Variants in STX11 observed in about 807,000 individuals in gnomAD.
STX11 encodes the protein syntaxin-11.
Under a neutral mutation model 19.9 loss-of-function variants are expected in STX11, and 21 were observed. The ratio of observed to expected loss-of-function variants is 1.06; its 90% CI spans 0.75 to 1.52. STX11 has a LOEUF of 1.52. STX11 is among the 40% of genes most tolerant of loss of function. STX11 has a pLI of 0.00. For missense variants in STX11, 438 were observed against 405.9 expected (o/e 1.08, Z -0.68); for synonymous variants, 193 against 174.4 (o/e 1.11, Z -0.84).
At position 144,155,379 on chromosome 6, in the gene STX11, G is replaced by A. The variant is rs1345818329; in HGVS notation, c.-6+4676G>A. 1.3e-5 allele frequency among the ~76,000 whole-genome samples: 2 copies of A among 152,194 alleles called. No individual in the cohort carries two copies. The highest frequency in any genetic ancestry group is 2.9e-5 in the Non-Finnish European group (2 of 68,032). Reference sequence around the variant, plus strand: ...GAGAATGTTCAAATGTCTAAAGCTTGAAGTTTTAAAATAGTTTCTCCACAC... The same window carrying A: ...GAGAATGTTCAAATGTCTAAAGCTTAAAGTTTTAAAATAGTTTCTCCACAC... On this transcript the variant is annotated intron_variant, in intron 1 of 1. Coordinates refer to ENST00000367568, the MANE Select transcript of STX11 (RefSeq NM_003764.4). This position sits in a 1 kb window ranked among gnomAD's most constrained non-coding sequence, Gnocchi z 4.5.
chr6:144,171,110 C>A (rs1227059144), intron 1 of STX11, among the ~76,000 whole-genome samples: 1 of 152,190 alleles, frequency 6.6e-6, no homozygotes, highest in Non-Finnish European at 1.5e-5. Flanking sequence ...TGAGGAAACC[C>A]AGGCAAGACC....
In STX11 at chr6:144,176,352, C is replaced by T. The variant is rs772651606; in HGVS notation, c.-5-10271C>T. 9.9e-5 allele frequency among the ~76,000 whole-genome samples: 15 copies of T among 152,106 alleles called. No individual in the cohort carries two copies. Among genetic ancestry groups the T allele is most frequent in the South Asian group, 2.1e-4 (1 of 4,820 alleles). ...ACTCACTGGGTGAACTTAACTTCTC[C>T]GAGACCCAGTTATTAGTAAATCGAA... On this transcript the variant is annotated intron_variant, in intron 1 of 1. Coordinates refer to ENST00000367568, the MANE Select transcript of STX11 (RefSeq NM_003764.4). The surrounding 1 kb of genome is among the most constrained non-coding windows in gnomAD (Gnocchi z 4.1).
chr6:144,176,692 T>G lies in STX11; in HGVS notation c.-5-9931T>G, dbSNP rs1038286338. 1.3e-5 allele frequency among the ~76,000 whole-genome samples: 2 copies of G among 152,166 alleles called. No homozygotes were observed. Among genetic ancestry groups the G allele is most frequent in the African/African-American group, 4.8e-5 (2 of 41,448 alleles). ...TCCCAGGAAAGAGAAACATTTTAAA[T>G]CAAATCAAGCTGATCTTTGAACACA... On this transcript the variant is annotated intron_variant, in intron 1 of 1. Coordinates refer to ENST00000367568, the MANE Select transcript of STX11 (RefSeq NM_003764.4). This position sits in a 1 kb window ranked among gnomAD's most constrained non-coding sequence, Gnocchi z 4.1.
rs114689893 is a variant in STX11 at position 144,156,428 on chromosome 6, A to G, written c.-6+5725A>G. 8.9e-3 allele frequency among the ~76,000 whole-genome samples: 1,362 copies of G among 152,200 alleles called. 12 individuals carry two copies. The highest frequency in any genetic ancestry group is 0.03 in the African/African-American group (1,263 of 41,508). The stretch of plus-strand genomic sequence containing the variant: ...CCAGAAAATACTAAGTCATCTAGAA[A>G]AGTATTTCCCATTTTGTATACTTGT... On this transcript the variant is annotated intron_variant, in intron 1 of 1. Transcript: ENST00000367568.
intron 1 of STX11, among the ~76,000 whole-genome samples, chr6:144,186,184 GGA>G (rs1475565317): frequency 9.8e-6 from 1 of 102,558 alleles, no homozygotes; most frequent in Non-Finnish European, 1.8e-5. Flanking sequence ...GGGGGAGGGG[GGA>G]GGGATAGCAT....
At chr6:144,164,669 T>C (rs1028691794) in intron 1 of STX11, among the ~76,000 whole-genome samples, 5 of 152,158 alleles carry the variant, frequency 3.3e-5, no homozygotes, top group African/African-American at 1.2e-4. Context: ...CCTGTAGATG[T>C]TGATTCTATA....
intron 1 of STX11, among the ~76,000 whole-genome samples, chr6:144,185,068 A>G (rs1278327726): frequency 1.3e-5 from 2 of 152,194 alleles, no homozygotes; most frequent in African/African-American, 4.8e-5. Context: ...ATCCGTGAGA[A>G]GGTCTGGTAT....
rs1401517075 is a variant in STX11 at position 144,155,978 on chromosome 6, CTT to C, written c.-6+5277_-6+5278del. Among the ~76,000 whole-genome samples the C allele has an allele frequency of 2.1e-3, 280 of 131,310 alleles. 16 individuals carry two copies. In the East Asian group the frequency reaches 0.036, roughly 17 times the overall value. 86.1% of individuals were successfully genotyped at this position (131,310 alleles called of 152,430 possible). On this transcript the variant is annotated intron_variant, in intron 1 of 1. Transcript: ENST00000367568. This position sits in a 1 kb window ranked among gnomAD's most constrained non-coding sequence, Gnocchi z 4.5. Reference sequence around the variant, plus strand: ...TCTTTCTTTCTTTCTTTCTTTCTTTCTTTCTTTCTTTCTTTCTTTCTTTCTTT... The same window carrying C: ...TCTTTCTTTCTTTCTTTCTTTCTTTCTCTTTCTTTCTTTCTTTCTTTCTTT...
rs748771725 is a variant in STX11 at position 144,151,986 on chromosome 6, A to G, written c.-6+1283A>G. Among the ~76,000 whole-genome samples the G allele has an allele frequency of 4.6e-5, 7 of 152,154 alleles. No individual in the cohort carries two copies. The highest frequency in any genetic ancestry group is 6.5e-5 in the Admixed American group (1 of 15,282). ...CTGAGTTGAGCTGAATTCAGCCTCA[A>G]ACAACAGTTACCAGGTACCTTCTCT... On this transcript the variant is annotated intron_variant, in intron 1 of 1. Coordinates refer to ENST00000367568, the MANE Select transcript of STX11 (RefSeq NM_003764.4). The surrounding 1 kb of genome is among the most constrained non-coding windows in gnomAD (Gnocchi z 4.6).
In STX11 at chr6:144,162,955, T is replaced by A. The variant is rs865894517; in HGVS notation, c.-6+12252T>A. 1.3e-5 allele frequency among the ~76,000 whole-genome samples: 2 copies of A among 152,244 alleles called. No homozygotes were observed. Among genetic ancestry groups the A allele is most frequent in the African/African-American group, 4.8e-5 (2 of 41,462 alleles). The stretch of plus-strand genomic sequence containing the variant: ...TAAATACCTTTTGAGGTTCATTGTC[T>A]TATTCTAGTTTGCTCAGTGCTAGGA... On this transcript the variant is annotated intron_variant, in intron 1 of 1. Transcript: ENST00000367568. This position sits in a 1 kb window ranked among gnomAD's most constrained non-coding sequence, Gnocchi z 4.6.
chr6:144,186,199 G>A (rs1802026174), intron 1 of STX11, among the ~76,000 whole-genome samples: 1 of 147,234 alleles, frequency 6.8e-6, no homozygotes, highest in Admixed American at 6.7e-5. Context: ...GATAGCATTA[G>A]GAGATATACC....
chr6:144,151,318 A>T lies in STX11; in HGVS notation c.-6+615A>T, dbSNP rs1368270148. 1 of 985,294 alleles carries T rather than the reference A, an allele frequency of 1.0e-6. No homozygotes were observed. The highest frequency in any genetic ancestry group is 1.1e-4 in the East Asian group (1 of 8,824). 61.0% of individuals were successfully genotyped at this position (985,294 alleles called of 1,614,324 possible). A position where few individuals can be genotyped will look rare whatever the true frequency, so the allele number is the denominator to read the frequency against. On this transcript the variant is annotated intron_variant, in intron 1 of 1. Coordinates refer to ENST00000367568, the MANE Select transcript of STX11 (RefSeq NM_003764.4). This position sits in a 1 kb window ranked among gnomAD's most constrained non-coding sequence, Gnocchi z 4.6. ...TTCTGCCTTTTTCTAGACTCCGCTG[A>T]CACCAGCTGAGATCTGTATTACTTC...
Position 144,155,124 on chromosome 6 carries a change from T to G in STX11, c.-6+4421T>G, listed in dbSNP as rs1018125570. On this transcript the variant is annotated intron_variant, in intron 1 of 1. Transcript: ENST00000367568. The surrounding 1 kb of genome is among the most constrained non-coding windows in gnomAD (Gnocchi z 4.5). The stretch of plus-strand genomic sequence containing the variant: ...TGGGAATTTACATTTTAATGGAGAC[T>G]GTCTGAAGATTCCCAGAGCTTCAAC... Among the ~76,000 whole-genome samples the G allele has an allele frequency of 6.6e-6, 1 of 152,226 alleles. No homozygotes were observed. The highest frequency in any genetic ancestry group is 2.4e-5 in the African/African-American group (1 of 41,454).
rs1380222983 is a variant in STX11 at position 144,187,495 on chromosome 6, G to A, written c.*4G>A. The A allele has an allele frequency of 1.9e-6, 3 of 1,611,330 alleles. No homozygotes were observed. Among genetic ancestry groups the A allele is most frequent in the Admixed American group, 3.3e-5 (2 of 59,998 alleles). On this transcript the variant is annotated 3_prime_UTR_variant, in exon 2 of 2. Coordinates refer to ENST00000367568, the MANE Select transcript of STX11 (RefSeq NM_003764.4). This position sits in a 1 kb window ranked among gnomAD's most constrained non-coding sequence, Gnocchi z 5.6. The stretch of plus-strand genomic sequence containing the variant: ...CTGCTGTCCCTGCCTCAAGTAGCAG[G>A]CCGGCCCGGGCCGCCACCGCCCATC...
At chr6:144,186,266 T>C (rs1802029472) in intron 1 of STX11, among the ~76,000 whole-genome samples, 1 of 150,722 alleles carries the variant, frequency 6.6e-6, no homozygotes, top group African/African-American at 2.4e-5. Flanking sequence ...GGTATACATA[T>C]GTAACAAACC....
In STX11 at chr6:144,176,938, T is replaced by C. The variant is rs77525412; in HGVS notation, c.-5-9685T>C. On this transcript the variant is annotated intron_variant, in intron 1 of 1. Transcript: ENST00000367568. This position sits in a 1 kb window ranked among gnomAD's most constrained non-coding sequence, Gnocchi z 4.1. ...TTGATGATGTTGGATAACTCAGATA[T>C]TTCCGTACCTTGTGTAAAAGATATC... 2.0e-3 allele frequency among the ~76,000 whole-genome samples: 298 copies of C among 152,360 alleles called. 4 individuals are homozygous for C. The East Asian group carries it at 0.039, about 20-fold the overall frequency.
In STX11 at chr6:144,151,218, C is replaced by T. The variant is rs538053112; in HGVS notation, c.-6+515C>T. On this transcript the variant is annotated intron_variant, in intron 1 of 1. Transcript: ENST00000367568. The surrounding 1 kb of genome is among the most constrained non-coding windows in gnomAD (Gnocchi z 4.6). ...CTTCGAGGAGTCCCTTCGAAGCCCACGTAAGACTTTGTTTTAGAAACATGG... is the reference window on the plus strand; with the variant it reads ...CTTCGAGGAGTCCCTTCGAAGCCCATGTAAGACTTTGTTTTAGAAACATGG... 8.0e-5 allele frequency: 79 copies of T among 985,220 alleles called. No homozygotes were observed. Among genetic ancestry groups the T allele is most frequent in the Non-Finnish European group, 9.2e-5 (76 of 829,786 alleles). The allele number at this position is 985,220 out of a possible 1,614,324, so 61.0% of individuals were successfully genotyped here.
chr6:144,185,461 A>T (rs1377720341), intron 1 of STX11, among the ~76,000 whole-genome samples: 1 of 152,236 alleles, frequency 6.6e-6, no homozygotes, highest in Non-Finnish European at 1.5e-5. Context: ...GCATATATAC[A>T]TGCTACTAAA....
chr6:144,147,061 A>G (rs1268365308), upstream of STX11, among the ~76,000 whole-genome samples: 4 of 152,050 alleles, frequency 2.6e-5, no homozygotes, highest in East Asian at 5.8e-4. This position sits in a 1 kb window ranked among gnomAD's most constrained non-coding sequence, Gnocchi z 4.2. Flanking sequence ...TCTACTCAAG[A>G]ACATTGCTCC....
Sources: gnomAD v4.1 joint callset for allele counts (sites outside exome capture counted in the v4.1 genomes callset) on GRCh38, gnomAD v4.1.1 for gene constraint, Gnocchi (gnomAD v3.1) non-coding constraint, MANE v1.5 for transcripts, NCBI Gene and HGNC (gene_info 2026-07-23, HGNC 2026-07-21) for gene names.